KAZN: variants seen among roughly 807,000 people sequenced by gnomAD.
KAZN encodes the protein kazrin, periplakin interacting protein, also known as kazrin.
In KAZN, 40 loss-of-function variants were observed where a neutral mutation model predicts 87.4. That is an observed-to-expected ratio of 0.46 (90% CI 0.36 to 0.60). KAZN has a LOEUF of 0.60. Among genes scored for constraint, KAZN ranks in the 20% least tolerant of loss-of-function variants. The pLI, the probability that KAZN is intolerant of heterozygous loss-of-function variation, is 0.00. For missense variants in KAZN, 898 were observed against 1,073.9 expected, an observed-to-expected ratio of 0.84 and a Z score of 2.29; for synonymous variants, 466 against 458.3, an observed-to-expected ratio of 1.02 and a Z score of -0.22.
At chr1:14,416,103 C>T (rs922089673) in intron 2 of KAZN, among the ~76,000 whole-genome samples, 3 of 152,196 alleles carry the variant, frequency 2.0e-5, no homozygotes, top group South Asian at 2.1e-4. Flanking sequence ...AGTGAAATTC[C>T]GAGGAGCAAT....
intron 2 of KAZN, among the ~76,000 whole-genome samples, chr1:14,245,353 GCTTGAGTACTGCTCCTCTGA>G (rs1649400497): frequency 6.6e-6 from 1 of 152,038 alleles, no homozygotes; most frequent in Non-Finnish European, 1.5e-5. Context: ...CATGTATTCT[GCTTGAGTACTGCTCCTCTGA>G]CTTGACAATA....
intron 14 of KAZN, 46 bp downstream of exon 14, chr1:15,112,587 A>AAGGTCTTTTTTTTCTTCTCCCAGCTGC: frequency 7.7e-7 from 1 of 1,293,608 alleles, no homozygotes; most frequent in Non-Finnish European, 1.1e-6. Context: ...AGACCCGGGA[A>AAGGTCTTTTTTTTCTTCTCCCAGCTGC]AGGTCTTTTT....
intron 2 of KAZN, among the ~76,000 whole-genome samples, chr1:14,969,833 G>T (rs1336339035): frequency 6.6e-6 from 1 of 151,860 alleles, no homozygotes; most frequent in Non-Finnish European, 1.5e-5. Context: ...TTTCGTGGGG[G>T]GACAGAGTCT....
intron 1 of KAZN, among the ~76,000 whole-genome samples, chr1:14,736,281 GTGTGTGTGTGTGTGTGTGTA>G (rs1557437658): frequency 6.8e-6 from 1 of 146,076 alleles, no homozygotes; most frequent in African/African-American, 2.7e-5. Context: ...GTGTGTGTGT[GTGTGTGTGTGTGTGTGTGTA>G]TATTTTTTTT....
intron 1 of KAZN, among the ~76,000 whole-genome samples, chr1:14,125,151 C>T (rs1267184969): frequency 5.3e-5 from 8 of 152,164 alleles, no homozygotes; most frequent in Admixed American, 2.6e-4. Context: ...GGATAATCCT[C>T]TCTTGTAGAA....
intron 1 of KAZN, among the ~76,000 whole-genome samples, chr1:14,634,235 T>C (rs1392055300): frequency 6.6e-6 from 1 of 152,222 alleles, no homozygotes; most frequent in Admixed American, 6.5e-5. Context: ...CTTGAACTAT[T>C]CCTTCCCCAA....
At chr1:14,901,532 G>C (rs1009550024) in intron 1 of KAZN, among the ~76,000 whole-genome samples, 4 of 152,172 alleles carry the variant, frequency 2.6e-5, no homozygotes, top group Non-Finnish European at 5.9e-5. Flanking sequence ...AATGGGCAGG[G>C]AGTCAGATGG....
At chr1:14,394,030 T>G (rs933729148) in intron 2 of KAZN, among the ~76,000 whole-genome samples, 2 of 152,172 alleles carry the variant, frequency 1.3e-5, no homozygotes, top group Non-Finnish European at 2.9e-5. Flanking sequence ...GCATTTATCT[T>G]TTGCTGTGCA....
At chr1:14,445,322 G>A (rs371903129) in intron 2 of KAZN, among the ~76,000 whole-genome samples, 11 of 152,094 alleles carry the variant, frequency 7.2e-5, no homozygotes, top group East Asian at 3.9e-4. Context: ...CACTGCACCC[G>A]GCCAACTGGT....
intron 2 of KAZN, among the ~76,000 whole-genome samples, chr1:14,288,506 T>C (rs1653432423): frequency 6.6e-6 from 1 of 152,248 alleles, no homozygotes; most frequent in Admixed American, 6.5e-5. Context: ...TTTGTATTTC[T>C]GTGGGATCAG....
At chr1:14,254,133 G>C (rs1362173271) in intron 2 of KAZN, among the ~76,000 whole-genome samples, 2 of 152,134 alleles carry the variant, frequency 1.3e-5, no homozygotes, top group African/African-American at 4.8e-5. Flanking sequence ...TAATTAGGGG[G>C]AAAGAAGAGG....
In KAZN at chr1:15,051,126, G is replaced by A. The variant is rs74702328; in HGVS notation, c.727-4965G>A. Among the ~76,000 whole-genome samples the A allele has an allele frequency of 3.5e-3, 534 of 152,310 alleles. 3 individuals carry two copies. The highest frequency in any genetic ancestry group is 0.012 in the African/African-American group (509 of 41,570). ...ATGTCTGCTCAGAGGCTCCTGCCTC[G>A]GGATCCTCCCAGTCTTTACCCCAGA... On this transcript the variant is annotated intron_variant, in intron 4 of 14. Coordinates refer to ENST00000376030, the MANE Select transcript of KAZN (RefSeq NM_201628.3).
chr1:14,719,771 G>A (rs1250458951), intron 1 of KAZN, among the ~76,000 whole-genome samples: 1 of 152,144 alleles, frequency 6.6e-6, no homozygotes, highest in African/African-American at 2.4e-5. Flanking sequence ...CCCAGGAGGT[G>A]GAGGTTGCGG....
At chr1:14,892,403 C>T (rs1224912170) in intron 1 of KAZN, among the ~76,000 whole-genome samples, 1 of 151,468 alleles carries the variant, frequency 6.6e-6, no homozygotes, top group Non-Finnish European at 1.5e-5. Context: ...TCTCCTTTTT[C>T]CCCCTCCCCC....
intron 2 of KAZN, among the ~76,000 whole-genome samples, chr1:14,514,603 AT>A (rs1557770492): frequency 0.016 from 568 of 36,438 alleles, 43 homozygotes; most frequent in African/African-American, 0.1. Context: ...TTTTATATAT[AT>A]ATATATATAT....
At chr1:14,768,450 G>C (rs1437654283) in intron 1 of KAZN, among the ~76,000 whole-genome samples, 1 of 152,140 alleles carries the variant, frequency 6.6e-6, no homozygotes, top group Non-Finnish European at 1.5e-5. Context: ...TCAAGAACTC[G>C]TGGTTAAATC....
chr1:14,213,537 G>T (rs941560715), intron 2 of KAZN, among the ~76,000 whole-genome samples: 2 of 152,198 alleles, frequency 1.3e-5, no homozygotes, highest in African/African-American at 4.8e-5. Context: ...TGCCATGTTT[G>T]CAGAGTGGCA....
At chr1:14,560,111 C>T (rs1216287281) in intron 2 of KAZN, among the ~76,000 whole-genome samples, 3 of 152,078 alleles carry the variant, frequency 2.0e-5, no homozygotes, top group Non-Finnish European at 4.4e-5. Flanking sequence ...TTTAACATTC[C>T]CACTGTCCTT....
intron 2 of KAZN, among the ~76,000 whole-genome samples, chr1:14,359,226 G>A (rs1221352528): frequency 6.6e-6 from 1 of 152,044 alleles, no homozygotes; most frequent in African/African-American, 2.4e-5. Context: ...TTTTATCAGA[G>A]ACTAGGATTA....
Sources: gnomAD v4.1 joint callset for allele counts (sites outside exome capture counted in the v4.1 genomes callset) on GRCh38, gnomAD v4.1.1 for gene constraint, MANE v1.5 for transcripts, NCBI Gene and HGNC (gene_info 2026-07-23, HGNC 2026-07-21) for gene names.